The following ZFHX3 variants were observed in gnomAD, a reference collection of about 807,000 sequenced individuals.
The protein encoded by ZFHX3 is zinc finger homeobox 3, also known as zinc finger homeobox protein 3.
In ZFHX3, 42 loss-of-function variants were observed where a neutral mutation model predicts 279.1. The ratio of observed to expected loss-of-function variants is 0.15; its 90% CI spans 0.12 to 0.19. The LOEUF is 0.19. ZFHX3 is among the 10% of genes least tolerant of loss of function. The probability of loss-of-function intolerance (pLI) is 1.00; values close to 1 mark genes in which losing one functional copy is unlikely to be tolerated. For synonymous variants in ZFHX3, 2,293 were observed against 1,957.8 expected (o/e 1.17, Z -4.52); for missense variants, 4,981 against 4,754.0 (o/e 1.05, Z -1.40).
chr16:73,462,696 T>G (rs2018493440), intron 2 of ZFHX3, among the ~76,000 whole-genome samples: 1 of 152,208 alleles, frequency 6.6e-6, no homozygotes. Context: ...TTCTTTAGCC[T>G]GTTAATATGG....
intron 5 of ZFHX3, among the ~76,000 whole-genome samples, chr16:73,201,117 C>G (rs893420136): frequency 6.6e-6 from 1 of 152,212 alleles, no homozygotes; most frequent in Non-Finnish European, 1.5e-5. Flanking sequence ...GACACTACAC[C>G]ACCTTGTCTA....
In ZFHX3 at chr16:73,325,928, A is replaced by C. The variant is rs112994926; in HGVS notation, c.-1290-7592T>G. ...ACACACACACACACACACACACACA[A>C]ACACACACACACACACACACACAGG... On this transcript the variant is annotated intron_variant, in intron 3 of 17. Coordinates refer to the ZFHX3 transcript ENST00000641206. Among the ~76,000 whole-genome samples, 288 of 145,500 alleles carry C rather than the reference A, an allele frequency of 2.0e-3. 3 individuals are homozygous for C. Among genetic ancestry groups the C allele is most frequent in the African/African-American group, 3.9e-3 (156 of 39,842 alleles).
intron 1 of ZFHX3, among the ~76,000 whole-genome samples, chr16:73,800,674 G>C (rs960050679): frequency 2.6e-5 from 4 of 152,038 alleles, no homozygotes; most frequent in Admixed American, 6.6e-5. Context: ...AGCCCCTGGG[G>C]CTTTCTCAAT....
intron 3 of ZFHX3, among the ~76,000 whole-genome samples, chr16:73,321,346 C>A (rs1046063073): frequency 3.9e-5 from 6 of 152,126 alleles, no homozygotes; most frequent in Admixed American, 6.5e-5. Context: ...CCTCTCTGAG[C>A]CCCAGTTTTC....
intron 2 of ZFHX3, among the ~76,000 whole-genome samples, chr16:73,542,784 AAT>A (rs139148173): frequency 0.014 from 2,091 of 152,296 alleles, 48 homozygotes; most frequent in African/African-American, 0.048. Context: ...ACTAAAAAAA[AAT>A]ATCATGTATC....
intron 8 of ZFHX3, 111 bp downstream of exon 8, chr16:72,799,916 G>C: frequency 1.0e-6 from 1 of 966,900 alleles, no homozygotes; most frequent in Non-Finnish European, 1.6e-6. Context: ...CTCCTGATCA[G>C]TTACATTCAC....
At chr16:73,790,125 G>A (rs1209156788) in intron 1 of ZFHX3, among the ~76,000 whole-genome samples, 2 of 152,146 alleles carry the variant, frequency 1.3e-5, no homozygotes, top group African/African-American at 4.8e-5. Context: ...ATTTAGAGGA[G>A]GGAGAATTGG....
rs141661716 is a variant in ZFHX3, at chr16:73,501,769, C to T, written c.-1546-45511G>A. ...AATTAAAAGAACCCTGAAAGAAAAG[C>T]TGCTGTGTGGAGAAGATGGAAGCTC... On this transcript the variant is annotated intron_variant, in intron 2 of 17. Transcript: ENST00000641206. Among the ~76,000 whole-genome samples, 1,253 of 152,240 alleles carry T rather than the reference C, an allele frequency of 8.2e-3. 8 individuals carry two copies. The highest frequency in any genetic ancestry group is 0.012 in the Non-Finnish European group (806 of 68,022).
intron 1 of ZFHX3, among the ~76,000 whole-genome samples, chr16:73,848,529 C>T (rs1031804575): frequency 4.6e-5 from 7 of 152,200 alleles, no homozygotes. Context: ...CTCAAGGCCA[C>T]ATAATCCAAT....
chr16:73,709,093 T>C (rs912020935), intron 1 of ZFHX3, among the ~76,000 whole-genome samples: 1 of 152,138 alleles, frequency 6.6e-6, no homozygotes, highest in African/African-American at 2.4e-5. Context: ...CACACTCCCA[T>C]GTCTACTGCA....
intron 5 of ZFHX3, among the ~76,000 whole-genome samples, chr16:73,230,024 T>G (rs938090129): frequency 6.6e-6 from 1 of 152,122 alleles, no homozygotes; most frequent in Non-Finnish European, 1.5e-5. Context: ...ATAATACAGA[T>G]GAATGAATTA....
chr16:73,653,336 A>G (rs1316426566), intron 2 of ZFHX3, among the ~76,000 whole-genome samples: 1 of 152,220 alleles, frequency 6.6e-6, no homozygotes, highest in African/African-American at 2.4e-5. Context: ...CCATATGATG[A>G]TCCATAAAGC....
intron 8 of ZFHX3, among the ~76,000 whole-genome samples, chr16:73,081,860 G>A (rs188188717): frequency 4.5e-4 from 63 of 141,384 alleles, no homozygotes; most frequent in African/African-American, 1.2e-3. Flanking sequence ...TTTTTGAGAC[G>A]GAGTCTCACT....
chr16:73,437,567 T>G (rs903760966), intron 3 of ZFHX3, among the ~76,000 whole-genome samples: 1 of 152,164 alleles, frequency 6.6e-6, no homozygotes, highest in Non-Finnish European at 1.5e-5. Flanking sequence ...CTCATCAGTA[T>G]TAGTGTGTGC....
At chr16:73,138,679 CT>C in intron 6 of ZFHX3, among the ~76,000 whole-genome samples, 1 of 151,942 alleles carries the variant, frequency 6.6e-6, no homozygotes, top group Non-Finnish European at 1.5e-5. Flanking sequence ...CCCCCTACTT[CT>C]TTTTTTGAGA....
In ZFHX3 at chr16:72,787,754, C is replaced by T. The variant is rs760410635; in HGVS notation, c.10522G>A (p.Gly3508Ser). The stretch of plus-strand genomic sequence containing the variant: ...CCGCCGCCACTGCCACCGCCGCCGC[C>T]GCCGGTGGGGACGTGAAGCACCATC... ...QEMVLHVPTGGGGGGSGGGGG... is the reference protein window; with the variant it reads ...QEMVLHVPTGSGGGGSGGGGG... Residue 3508 changes from glycine to serine, a missense_variant, in exon 10 of 10, where the codon GGC becomes AGC. Gly to Ser is a moderately conservative substitution (Grantham distance 56). Transcript: ENST00000268489. The T allele has an allele frequency of 6.7e-5, 95 of 1,422,710 alleles. No individual in the cohort carries two copies. The highest frequency in any genetic ancestry group is 8.5e-5 in the Non-Finnish European group (92 of 1,086,540). The allele number at this position is 1,422,710 out of a possible 1,614,324, so 88.1% of individuals were successfully genotyped here.
chr16:73,164,314 G>C (rs1967308495), intron 5 of ZFHX3, among the ~76,000 whole-genome samples: 1 of 152,164 alleles, frequency 6.6e-6, no homozygotes, highest in South Asian at 2.1e-4. Context: ...CAAAGACATG[G>C]ATGTGCTTGT....
intron 1 of ZFHX3, among the ~76,000 whole-genome samples, chr16:73,838,235 T>G (rs370837992): frequency 2.6e-5 from 4 of 152,212 alleles, no homozygotes; most frequent in African/African-American, 9.6e-5. Flanking sequence ...TTTCCTGTTT[T>G]GGGATGCTGT....
intron 1 of ZFHX3, among the ~76,000 whole-genome samples, chr16:72,989,660 G>C (rs1597061144): frequency 6.6e-6 from 1 of 152,182 alleles, no homozygotes; most frequent in Non-Finnish European, 1.5e-5. Context: ...GCAGAAGGAA[G>C]AAATAAGTGG....
Sources: allele counts gnomAD v4.1 joint callset (sites outside exome capture counted in the v4.1 genomes callset), GRCh38; gene constraint gnomAD v4.1.1; transcripts MANE v1.5; gene names NCBI Gene and HGNC (gene_info 2026-07-23, HGNC 2026-07-21).